The following MTMR7 variants were observed in gnomAD, a reference collection of about 807,000 sequenced individuals.
MTMR7 encodes the protein phosphatidylinositol-3-phosphate phosphatase MTMR7.
A neutral mutation model predicts 81.2 loss-of-function variants in MTMR7; 76 were observed. That is an observed-to-expected ratio of 0.94 (90% CI 0.78 to 1.13). The LOEUF is 1.13. Among genes scored for constraint, MTMR7 ranks in the 50% most tolerant of loss-of-function variants. MTMR7 has a pLI of 0.00. For missense variants in MTMR7, 1,044 were observed against 820.0 expected, an observed-to-expected ratio of 1.27 and a Z score of -3.34; for synonymous variants, 372 against 289.8, an observed-to-expected ratio of 1.28 and a Z score of -2.88.
intron 4 of MTMR7, among the ~76,000 whole-genome samples, chr8:17,356,731 T>TAAC (rs386412191): frequency 8.6e-5 from 13 of 150,604 alleles, no homozygotes; most frequent in Admixed American, 8.6e-4. Context: ...TAAAATAAAA[T>TAAC]AACCTTGGGT....
chr8:17,366,314 A>G (rs1174061367), intron 3 of MTMR7, among the ~76,000 whole-genome samples: 2 of 152,222 alleles, frequency 1.3e-5, no homozygotes, highest in African/African-American at 4.8e-5. Flanking sequence ...TTATAAAAAC[A>G]GAATATTTAG....
chr8:17,337,481 C>T (rs1474443213), intron 6 of MTMR7, among the ~76,000 whole-genome samples: 3 of 152,096 alleles, frequency 2.0e-5, no homozygotes, highest in African/African-American at 7.2e-5. Flanking sequence ...GAAAATTCAG[C>T]GAAGACTGCG....
At position 17,343,732 on chromosome 8, in the gene MTMR7, T is replaced by C. The variant is rs573655390; in HGVS notation, c.598-2235A>G. Among the ~76,000 whole-genome samples, 3 of 152,354 alleles carry C rather than the reference T, an allele frequency of 2.0e-5. No homozygotes were observed. The South Asian group carries it at 6.2e-4, about 32-fold the overall frequency. ...CATATTAAACAGACTACATTTTTGG[T>C]ATTTTGTAGTTAGATTTTCTTAATA... On this transcript the variant is annotated intron_variant, in intron 5 of 13. Transcript: ENST00000180173.
rs563338321 is a variant in MTMR7, at chr8:17,302,260, T to C, written c.1514A>G (p.Asn505Ser). 537 of 1,613,876 alleles carry C rather than the reference T, an allele frequency of 3.3e-4. 12 individuals are homozygous for C. In the South Asian group the frequency reaches 5.6e-3, roughly 17 times the overall value. The part of the protein sequence containing the change: ...FMYKFWSGMY[N>S]RFEKGMQPRQ... ...GGGCTGCATCCCCTTTTCAAAGCGGTTATACATTCCACTCCAAAACCTGGA... is the reference window on the plus strand; with the variant it reads ...GGGCTGCATCCCCTTTTCAAAGCGGCTATACATTCCACTCCAAAACCTGGA... Residue 505 changes from asparagine to serine, a missense_variant, in exon 13 of 14, where the codon AAC (asparagine) becomes AGC (serine). Coordinates refer to ENST00000180173, the MANE Select transcript of MTMR7 (RefSeq NM_004686.5).
intron 3 of MTMR7, among the ~76,000 whole-genome samples, chr8:17,363,366 T>C (rs1002069791): frequency 6.6e-6 from 1 of 152,228 alleles, no homozygotes; most frequent in African/African-American, 2.4e-5. Flanking sequence ...GGGGTAATAA[T>C]GGCAGTTAAG....
intron 6 of MTMR7, chr8:17,338,646 G>C (rs1819319957): frequency 6.6e-6 from 1 of 152,130 alleles, no homozygotes; most frequent in Non-Finnish European, 1.5e-5. Flanking sequence ...ATGAGCCAGA[G>C]AGAAGGGCAC....
At chr8:17,405,084 T>C (rs1432597588) in intron 1 of MTMR7, among the ~76,000 whole-genome samples, 1 of 152,218 alleles carries the variant, frequency 6.6e-6, no homozygotes, top group Non-Finnish European at 1.5e-5. Context: ...ACTTCTGACC[T>C]CAAACGATCC....
intron 3 of MTMR7, among the ~76,000 whole-genome samples, chr8:17,366,007 G>A (rs1820213606): frequency 6.6e-6 from 1 of 152,062 alleles, no homozygotes; most frequent in Admixed American, 6.6e-5. Flanking sequence ...CTTAACCTAG[G>A]GAAGCCTAGG....
intron 4 of MTMR7, among the ~76,000 whole-genome samples, chr8:17,351,850 T>C (rs1819738944): frequency 2.0e-5 from 3 of 152,340 alleles, no homozygotes; most frequent in African/African-American, 7.2e-5. Flanking sequence ...GCTAGAAGCA[T>C]GGATATTTGT....
chr8:17,397,634 G>A (rs1285990777), intron 1 of MTMR7, among the ~76,000 whole-genome samples: 2 of 152,182 alleles, frequency 1.3e-5, no homozygotes, highest in Non-Finnish European at 2.9e-5. Context: ...CCTGCCCAGG[G>A]CCTGGGGGAA....
At chr8:17,391,332 T>G (rs112684442) in intron 1 of MTMR7, among the ~76,000 whole-genome samples, 28 of 152,140 alleles carry the variant, frequency 1.8e-4, no homozygotes, top group African/African-American at 6.7e-4. Flanking sequence ...AATGGGAGAT[T>G]TTCCAAAATC....
At chr8:17,369,463 A>G (rs1451832989) in intron 3 of MTMR7, among the ~76,000 whole-genome samples, 1 of 152,174 alleles carries the variant, frequency 6.6e-6, no homozygotes, top group Non-Finnish European at 1.5e-5. Context: ...AATGCCTTGA[A>G]AAGTTCATAA....
intron 1 of MTMR7, among the ~76,000 whole-genome samples, chr8:17,411,447 C>T (rs560778367): frequency 6.6e-6 from 1 of 152,292 alleles, no homozygotes; most frequent in Non-Finnish European, 1.5e-5. Flanking sequence ...TTGTGAGTTC[C>T]TGGACGCTTC....
intron 1 of MTMR7, among the ~76,000 whole-genome samples, chr8:17,374,174 G>C (rs573360349): frequency 6.6e-6 from 1 of 152,158 alleles, no homozygotes; most frequent in Non-Finnish European, 1.5e-5. Context: ...CATTGTATTC[G>C]CTCCATTCTT....
At chr8:17,301,835 T>G (rs1021446214) in intron 13 of MTMR7, 1 of 386,970 alleles carries the variant, frequency 2.6e-6, no homozygotes. Flanking sequence ...GATTTTATTC[T>G]GTTACTTTTT....
intron 3 of MTMR7, among the ~76,000 whole-genome samples, chr8:17,366,649 G>A (rs1332115400): frequency 1.3e-5 from 2 of 152,144 alleles, no homozygotes; most frequent in Non-Finnish European, 2.9e-5. Flanking sequence ...CACTTTGGGA[G>A]GCCGAGGCGG....
At chr8:17,405,759 C>A (rs1821560066) in intron 1 of MTMR7, among the ~76,000 whole-genome samples, 1 of 151,398 alleles carries the variant, frequency 6.6e-6, no homozygotes, top group African/African-American at 2.4e-5. Flanking sequence ...AAAAAAAAAT[C>A]ACTTTTCAGA....
chr8:17,300,245 T>G (rs1817027922), intron 13 of MTMR7, 21 bp from the exon 14 acceptor site: 3 of 1,584,636 alleles, frequency 1.9e-6, no homozygotes, highest in Admixed American at 1.9e-5. Context: ...AATAACAATT[T>G]CAGGGGAAAA....
chr8:17,402,895 C>A (rs536048441), intron 1 of MTMR7, among the ~76,000 whole-genome samples: 104 of 152,168 alleles, frequency 6.8e-4, no homozygotes, highest in Non-Finnish European at 1.4e-3. Context: ...TCTTCTTATC[C>A]TTGCCAGCAT....
Sources: allele counts gnomAD v4.1 joint callset (sites outside exome capture counted in the v4.1 genomes callset), GRCh38; gene constraint gnomAD v4.1.1; transcripts MANE v1.5; gene names NCBI Gene and HGNC (gene_info 2026-07-23, HGNC 2026-07-21).